CACNA1C: variants seen among roughly 807,000 people sequenced by gnomAD.
CACNA1C encodes voltage-dependent L-type calcium channel subunit alpha-1C.
In CACNA1C, 30 loss-of-function variants were observed where a neutral mutation model predicts 229.0. That is an observed-to-expected ratio of 0.13 (90% CI 0.10 to 0.18). The LOEUF (loss-of-function observed/expected upper bound fraction) is 0.18, where lower values mean the gene tolerates loss of function less well. Ranked by LOEUF, CACNA1C falls within the 10% of genes least tolerant of loss-of-function variation. The pLI, the probability that CACNA1C is intolerant of heterozygous loss-of-function variation, is 1.00. For missense variants in CACNA1C, 1,658 were observed against 2,845.0 expected, an observed-to-expected ratio of 0.58 and a Z score of 9.49; for synonymous variants, 1,114 against 1,132.5, an observed-to-expected ratio of 0.98 and a Z score of 0.33.
intron 3 of CACNA1C, among the ~76,000 whole-genome samples, chr12:2,128,637 T>A (rs1459039914): frequency 1.3e-5 from 2 of 152,150 alleles, no homozygotes; most frequent in Non-Finnish European, 1.5e-5. Flanking sequence ...GGTCTCGATC[T>A]CCTGACCTCG....
chr12:2,239,954 A>G (rs937626645), intron 3 of CACNA1C, among the ~76,000 whole-genome samples: 2 of 152,246 alleles, frequency 1.3e-5, no homozygotes, highest in African/African-American at 2.4e-5. Context: ...GAAAATGGAA[A>G]TAAGGTTAAA....
At chr12:2,484,765 C>T (rs1053780075) in intron 5 of CACNA1C, among the ~76,000 whole-genome samples, 1 of 146,850 alleles carries the variant, frequency 6.8e-6, no homozygotes. Flanking sequence ...ACTTTCTTCG[C>T]GGCTCTGCAT....
intron 1 of CACNA1C, 82 bp from the exon 2 acceptor site, chr12:2,115,142 G>C: frequency 4.4e-6 from 5 of 1,124,866 alleles, no homozygotes; most frequent in Non-Finnish European, 6.2e-6. Context: ...TGAAAAAATT[G>C]TGAATCTGGG....
chr12:2,125,601 A>AGTTCATAG (rs912856865), intron 3 of CACNA1C, among the ~76,000 whole-genome samples: 2 of 152,276 alleles, frequency 1.3e-5, no homozygotes, highest in African/African-American at 4.8e-5. Context: ...CTGTGGCATA[A>AGTTCATAG]GTTCATAGAG....
At chr12:2,606,953 C>T in intron 25 of CACNA1C, 31 bp from the exon 26 acceptor site, 2 of 1,609,710 alleles carry the variant, frequency 1.2e-6, no homozygotes, top group Non-Finnish European at 8.5e-7. Context: ...ATGGGAGATC[C>T]CAGAGTAAAC....
At chr12:2,247,187 T>C (rs2154380974) in intron 3 of CACNA1C, among the ~76,000 whole-genome samples, 1 of 152,324 alleles carries the variant, frequency 6.6e-6, no homozygotes, top group South Asian at 2.1e-4. Context: ...ACATTTTCTT[T>C]GGGCAGCGGG....
intron 3 of CACNA1C, among the ~76,000 whole-genome samples, chr12:2,379,586 A>C (rs979067977): frequency 1.3e-5 from 2 of 152,142 alleles, no homozygotes; most frequent in Admixed American, 1.3e-4. Flanking sequence ...GAGATTGTCC[A>C]GTCCATCTCT....
At chr12:2,357,800 G>C (rs141113445) in intron 3 of CACNA1C, among the ~76,000 whole-genome samples, 1 of 151,472 alleles carries the variant, frequency 6.6e-6, no homozygotes, top group African/African-American at 2.4e-5. Context: ...CGGAAACCCC[G>C]TCTCTACTAA....
At chr12:2,393,230 G>A (rs1258726957) in intron 3 of CACNA1C, among the ~76,000 whole-genome samples, 2 of 152,144 alleles carry the variant, frequency 1.3e-5, no homozygotes, top group Admixed American at 1.3e-4. Context: ...CTAGCAAACT[G>A]CAAACCAAGC....
chr12:2,669,928 C>T (rs943067361), intron 38 of CACNA1C, among the ~76,000 whole-genome samples: 1 of 152,152 alleles, frequency 6.6e-6, no homozygotes, highest in Non-Finnish European at 1.5e-5. Context: ...TAAGAGTTTG[C>T]GAACCACTAT....
chr12:2,578,362 A>G (rs1304753588), intron 13 of CACNA1C, among the ~76,000 whole-genome samples: 1 of 152,156 alleles, frequency 6.6e-6, no homozygotes, highest in Non-Finnish European at 1.5e-5. Flanking sequence ...AGGGGAGTGC[A>G]GCTGGCTGGT....
At chr12:2,624,086 T>C (rs928368733) in intron 29 of CACNA1C, among the ~76,000 whole-genome samples, 2 of 152,206 alleles carry the variant, frequency 1.3e-5, no homozygotes, top group African/African-American at 4.8e-5. Context: ...AGTTCTGAAA[T>C]TCAACCCTCC....
intron 1 of CACNA1C, among the ~76,000 whole-genome samples, chr12:2,062,429 T>C (rs1228164756): frequency 6.6e-6 from 1 of 152,228 alleles, no homozygotes; most frequent in East Asian, 1.9e-4. Flanking sequence ...CTGTCGGACT[T>C]TCAAAACATT....
intron 1 of CACNA1C, among the ~76,000 whole-genome samples, chr12:2,087,219 G>A (rs2068040626): frequency 6.6e-6 from 1 of 152,162 alleles, no homozygotes; most frequent in South Asian, 2.1e-4. Context: ...ACGTGTCTGG[G>A]ACTGGACCAT....
At chr12:2,025,769 A>G (rs1458445167) in intron 1 of CACNA1C, among the ~76,000 whole-genome samples, 3 of 151,956 alleles carry the variant, frequency 2.0e-5, no homozygotes, top group African/African-American at 7.3e-5. Flanking sequence ...GCCATTACCA[A>G]TCTCTATTGT....
chr12:2,423,007 C>A (rs2098993726), intron 3 of CACNA1C, among the ~76,000 whole-genome samples: 1 of 152,166 alleles, frequency 6.6e-6, no homozygotes, highest in Non-Finnish European at 1.5e-5. Context: ...TTCCATAATT[C>A]GAATCTCGTC....
rs757376156 is a variant in CACNA1C, at chr12:2,567,814, A to G, written c.1895+20A>G. The G allele has an allele frequency of 1.2e-5, 17 of 1,473,772 alleles. No individual in the cohort carries two copies. Among genetic ancestry groups the G allele is most frequent in the African/African-American group, 9.7e-5 (7 of 72,208 alleles). 91.3% of individuals were successfully genotyped at this position (1,473,772 alleles called of 1,614,324 possible). ...CACGAGGTACTGGGCTCCCCCTCTC[A>G]CTTTGAAGAGGGGACTCAGGAAGAA... On this transcript the variant is annotated intron_variant, in intron 13 of 46. Transcript: ENST00000399655.
intron 1 of CACNA1C, among the ~76,000 whole-genome samples, chr12:2,109,246 AGG>A (rs2080620559): frequency 6.6e-6 from 1 of 152,082 alleles, no homozygotes; most frequent in Non-Finnish European, 1.5e-5. Context: ...TTCCAATGCC[AGG>A]GGCGTTGGGC....
chr12:1,999,794 G>C (rs1371393342), intron 1 of CACNA1C, among the ~76,000 whole-genome samples: 1 of 152,114 alleles, frequency 6.6e-6, no homozygotes, highest in Non-Finnish European at 1.5e-5. Flanking sequence ...TAAAAGCATA[G>C]GTAAGTCAGG....
Sources: allele counts gnomAD v4.1 joint callset (sites outside exome capture counted in the v4.1 genomes callset), GRCh38; gene constraint gnomAD v4.1.1; transcripts MANE v1.5; gene names NCBI Gene and HGNC (gene_info 2026-07-23, HGNC 2026-07-21).